Variants in RASGEF1A observed in about 807,000 individuals in gnomAD.
RASGEF1A encodes ras-GEF domain-containing family member 1A.
In RASGEF1A, 18 loss-of-function variants were observed where a neutral mutation model predicts 56.4. That is an observed-to-expected ratio of 0.32 (90% CI 0.22 to 0.47). The LOEUF is 0.47. Among genes scored for constraint, RASGEF1A ranks in the 20% least tolerant of loss-of-function variants. RASGEF1A has a pLI of 1.00. For synonymous variants in RASGEF1A, 245 were observed against 242.6 expected, an observed-to-expected ratio of 1.01 and a Z score of -0.09; for missense variants, 422 against 627.1, an observed-to-expected ratio of 0.67 and a Z score of 3.49.
chr10:43,263,906 C>T (rs1454012025), intron 1 of RASGEF1A, among the ~76,000 whole-genome samples: 2 of 152,110 alleles, frequency 1.3e-5, no homozygotes, highest in Non-Finnish European at 2.9e-5. Context: ...CACACCCCCA[C>T]CCCGTCCATC....
At chr10:43,213,663 G>A (rs1049679913) in intron 1 of RASGEF1A, among the ~76,000 whole-genome samples, 1 of 152,202 alleles carries the variant, frequency 6.6e-6, no homozygotes, top group East Asian at 1.9e-4. Context: ...GTCTTGCTCT[G>A]TGGCCCAGGC....
chr10:43,233,727 C>T (rs1004208063), intron 1 of RASGEF1A, among the ~76,000 whole-genome samples: 34 of 152,304 alleles, frequency 2.2e-4, no homozygotes, highest in African/African-American at 8.2e-4. Flanking sequence ...CTATGAACAC[C>T]GACCACACCA....
intron 1 of RASGEF1A, chr10:43,229,724 G>T: frequency 1.4e-6 from 2 of 1,403,198 alleles, no homozygotes; most frequent in South Asian, 1.5e-5. Flanking sequence ...CTCTGCCCGC[G>T]AGCCAAGCAA....
intron 1 of RASGEF1A, among the ~76,000 whole-genome samples, chr10:43,238,938 C>T (rs537257280): frequency 6.6e-6 from 1 of 152,232 alleles, no homozygotes; most frequent in South Asian, 2.1e-4. Context: ...AGAGCAGACA[C>T]AAATGTTCCA....
chr10:43,237,246 A>G (rs1164428432), intron 1 of RASGEF1A, among the ~76,000 whole-genome samples: 1 of 152,008 alleles, frequency 6.6e-6, no homozygotes, highest in Non-Finnish European at 1.5e-5. Flanking sequence ...AGTCAAGGAG[A>G]GAGGCTTCTG....
At chr10:43,251,230 A>G (rs1176554729) in intron 1 of RASGEF1A, among the ~76,000 whole-genome samples, 1 of 152,166 alleles carries the variant, frequency 6.6e-6, no homozygotes, top group African/African-American at 2.4e-5. Flanking sequence ...CCCAGCATGC[A>G]GCACTGATCA....
intron 1 of RASGEF1A, among the ~76,000 whole-genome samples, chr10:43,248,616 T>C (rs1840593051): frequency 1.3e-5 from 2 of 152,222 alleles, no homozygotes; most frequent in South Asian, 4.1e-4. Flanking sequence ...AATTTGTATT[T>C]TGTTCATTAT....
chr10:43,203,504 T>G, intron 2 of RASGEF1A, 84 bp from the exon 3 acceptor site: 1 of 1,444,816 alleles, frequency 6.9e-7, no homozygotes, highest in East Asian at 2.7e-5. Context: ...CTGGCCCGGC[T>G]GCCTCCCAGG....
intron 1 of RASGEF1A, among the ~76,000 whole-genome samples, chr10:43,211,610 G>T (rs992758924): frequency 6.6e-6 from 1 of 152,190 alleles, no homozygotes; most frequent in African/African-American, 2.4e-5. Flanking sequence ...ATATGCTGCT[G>T]TCCCCCAGAG....
intron 1 of RASGEF1A, among the ~76,000 whole-genome samples, chr10:43,225,109 C>A (rs141803573): frequency 6.8e-6 from 1 of 147,194 alleles, no homozygotes; most frequent in East Asian, 2.0e-4. Flanking sequence ...CGTGTGTGTG[C>A]CTGCATGTGT....
intron 5 of RASGEF1A, 93 bp from the exon 6 acceptor site, chr10:43,200,349 C>A: frequency 1.8e-6 from 2 of 1,136,662 alleles, no homozygotes; most frequent in African/African-American, 1.5e-5. Flanking sequence ...GGAGGAGCTG[C>A]CCAGGGCACA....
intron 5 of RASGEF1A, 71 bp from the exon 6 acceptor site, chr10:43,200,327 C>G: frequency 7.3e-7 from 1 of 1,366,186 alleles, no homozygotes; most frequent in Non-Finnish European, 1.0e-6. Context: ...CATAGGCATG[C>G]GGACAGGGAG....
chr10:43,221,250 T>C (rs1055640611), intron 1 of RASGEF1A, among the ~76,000 whole-genome samples: 1 of 152,164 alleles, frequency 6.6e-6, no homozygotes, highest in Non-Finnish European at 1.5e-5. Flanking sequence ...TGGAATATAT[T>C]TGCATGATTG....
intron 4 of RASGEF1A, among the ~76,000 whole-genome samples, chr10:43,201,436 G>A (rs1425452638): frequency 6.6e-6 from 1 of 152,196 alleles, no homozygotes; most frequent in African/African-American, 2.4e-5. Flanking sequence ...AAAAATGGGA[G>A]ACCGGTTTAA....
At chr10:43,233,805 G>A (rs1588944928) in intron 1 of RASGEF1A, among the ~76,000 whole-genome samples, 1 of 152,184 alleles carries the variant, frequency 6.6e-6, no homozygotes, top group African/African-American at 2.4e-5. Flanking sequence ...AAGGACACAC[G>A]CAGGAGTGTC....
At chr10:43,240,148 C>T (rs1554828232) in intron 1 of RASGEF1A, among the ~76,000 whole-genome samples, 1 of 152,166 alleles carries the variant, frequency 6.6e-6, no homozygotes, top group Non-Finnish European at 1.5e-5. Context: ...TGAAAGCATA[C>T]CCAAAGACAC....
At position 43,206,021 on chromosome 10, in the gene RASGEF1A, A is replaced by T; in HGVS notation, c.96T>A (p.Gly32=). The T allele has an allele frequency of 1.9e-6, 3 of 1,603,564 alleles. No individual in the cohort carries two copies. The highest frequency in any genetic ancestry group is 2.6e-6 in the Non-Finnish European group (3 of 1,174,476). Residue 32 remains glycine, a synonymous_variant, in exon 2 of 13, where the codon GGT becomes GGA. Transcript: ENST00000395810. Reference sequence around the variant, plus strand: ...GGAAGATGAGGTCCCCGGAGCCGCCACCGGCCCCGCCTCCACGCTCCCCCA... The same window carrying T: ...GGAAGATGAGGTCCCCGGAGCCGCCTCCGGCCCCGCCTCCACGCTCCCCCA... ...PGMGERGGGA[G]GGSGDLIFQD... is the part of the protein sequence containing the mutation.
At chr10:43,203,556 G>T (rs1456347005) in intron 2 of RASGEF1A, 136 bp from the exon 3 acceptor site, 3 of 1,368,950 alleles carry the variant, frequency 2.2e-6, no homozygotes, top group Non-Finnish European at 2.9e-6. Flanking sequence ...CACCTGCCCG[G>T]TTCCCTTCGC....
intron 1 of RASGEF1A, among the ~76,000 whole-genome samples, chr10:43,248,972 G>A (rs911264381): frequency 2.6e-5 from 4 of 152,334 alleles, no homozygotes; most frequent in Admixed American, 6.5e-5. Context: ...GCCAGGAGTG[G>A]ATGGGGGCTC....
Sources: allele counts gnomAD v4.1 joint callset (sites outside exome capture counted in the v4.1 genomes callset), GRCh38; gene constraint gnomAD v4.1.1; transcripts MANE v1.5; gene names NCBI Gene and HGNC (gene_info 2026-07-23, HGNC 2026-07-21).